The following SYK variants were observed in gnomAD, a reference collection of about 807,000 sequenced individuals.
SYK encodes the protein tyrosine-protein kinase SYK.
A neutral mutation model predicts 77.8 loss-of-function variants in SYK; 16 were observed. The observed-to-expected ratio is 0.21, with a 90% CI of 0.14 to 0.31. SYK has a LOEUF of 0.31. Among genes scored for constraint, SYK ranks in the 10% least tolerant of loss-of-function variants. The probability of loss-of-function intolerance (pLI) is 1.00; values close to 1 mark genes in which losing one functional copy is unlikely to be tolerated. For synonymous variants in SYK, 312 were observed against 308.7 expected (o/e 1.01, Z -0.11); for missense variants, 529 against 814.4 (o/e 0.65, Z 4.26).
chr9:90,854,153 G>A (rs1340735908), intron 3 of SYK, among the ~76,000 whole-genome samples: 2 of 152,206 alleles, frequency 1.3e-5, no homozygotes, highest in African/African-American at 4.8e-5. Context: ...CTTGATGGTG[G>A]CAGACTGGCC....
chr9:90,853,642 G>A (rs969633600), intron 3 of SYK, among the ~76,000 whole-genome samples: 110 of 152,166 alleles, frequency 7.2e-4, no homozygotes, highest in Non-Finnish European at 1.2e-3. Context: ...AACACCGCAT[G>A]TTCTCACTCA....
Position 90,856,299 on chromosome 9 carries a change from T to A in SYK, c.579-5907T>A, listed in dbSNP as rs573743976. Among the ~76,000 whole-genome samples, 173 of 152,360 alleles carry A rather than the reference T, an allele frequency of 1.1e-3. 1 individual carries two copies. The highest frequency in any genetic ancestry group is 3.9e-3 in the African/African-American group (162 of 41,582). On this transcript the variant is annotated intron_variant, in intron 3 of 13. Transcript: ENST00000375754. ...CTGTGGTTCCTACATCCATGAATTC[T>A]TTTCTTTCATCAGTTCTGAAAAACA...
chr9:90,864,375 A>G (rs889232163), intron 4 of SYK, among the ~76,000 whole-genome samples: 1 of 152,258 alleles, frequency 6.6e-6, no homozygotes, highest in African/African-American at 2.4e-5. Flanking sequence ...GGCCCTTTAC[A>G]GAAAAAATTT....
intron 1 of SYK, among the ~76,000 whole-genome samples, chr9:90,832,383 C>T (rs1267756723): frequency 6.6e-6 from 1 of 152,242 alleles, no homozygotes; most frequent in Non-Finnish European, 1.5e-5. Flanking sequence ...AGAACTTTGG[C>T]CTCTGCCTTT....
At chr9:90,810,996 T>G (rs1032388888) in intron 1 of SYK, among the ~76,000 whole-genome samples, 1 of 152,038 alleles carries the variant, frequency 6.6e-6, no homozygotes, top group Non-Finnish European at 1.5e-5. Context: ...GCTCTTTATA[T>G]CAAAATAAAT....
chr9:90,867,897 A>C (rs1827578494), intron 7 of SYK, among the ~76,000 whole-genome samples: 1 of 152,172 alleles, frequency 6.6e-6, no homozygotes, highest in African/African-American at 2.4e-5. Flanking sequence ...TGTATATATA[A>C]TGTGTTTGAA....
At chr9:90,864,486 G>T in intron 4 of SYK, 103 bp from the exon 5 acceptor site, 1 of 981,286 alleles carries the variant, frequency 1.0e-6, no homozygotes, top group Non-Finnish European at 1.6e-6. Flanking sequence ...TATGTGTCTT[G>T]GGGCCACTTC....
At chr9:90,875,191 G>A (rs1423033993) in intron 9 of SYK, among the ~76,000 whole-genome samples, 1 of 151,786 alleles carries the variant, frequency 6.6e-6, no homozygotes, top group South Asian at 2.1e-4. Flanking sequence ...TTGAGGCCTG[G>A]AGCTTGAGAC....
chr9:90,840,216 C>A (rs529861589), intron 1 of SYK, among the ~76,000 whole-genome samples: 7 of 152,226 alleles, frequency 4.6e-5, no homozygotes, highest in African/African-American at 1.7e-4. Context: ...AGATGGAGAA[C>A]CTGGTCTCAG....
chr9:90,865,827 A>G (rs979672421), intron 6 of SYK, among the ~76,000 whole-genome samples: 7 of 150,412 alleles, frequency 4.7e-5, no homozygotes, highest in Non-Finnish European at 8.9e-5. Context: ...TTAGGAAGTC[A>G]GGTACAGATT....
chr9:90,890,560 G>A (rs1384965253), intron 13 of SYK, among the ~76,000 whole-genome samples: 1 of 152,246 alleles, frequency 6.6e-6, no homozygotes, highest in Non-Finnish European at 1.5e-5. Context: ...TCCCACCCCA[G>A]TCCGCTCTGC....
chr9:90,853,893 A>T (rs370938631), intron 3 of SYK, among the ~76,000 whole-genome samples: 32 of 152,194 alleles, frequency 2.1e-4, no homozygotes, highest in African/African-American at 7.2e-4. Context: ...AAAATAAAAT[A>T]AAAAAGAAAA....
At chr9:90,878,567 C>T (rs1441313216) in intron 10 of SYK, among the ~76,000 whole-genome samples, 197 bp from the exon 11 acceptor site, 2 of 152,158 alleles carry the variant, frequency 1.3e-5, no homozygotes, top group Non-Finnish European at 2.9e-5. Flanking sequence ...AACTCAATCC[C>T]ATTGAACACC....
At chr9:90,830,014 T>G (rs568624997) in intron 1 of SYK, among the ~76,000 whole-genome samples, 1 of 152,352 alleles carries the variant, frequency 6.6e-6, no homozygotes, top group African/African-American at 2.4e-5. Flanking sequence ...GTTTGGATAA[T>G]GTTTTCAAGT....
At chr9:90,810,881 C>T (rs1037363900) in intron 1 of SYK, among the ~76,000 whole-genome samples, 8 of 151,954 alleles carry the variant, frequency 5.3e-5, no homozygotes, top group African/African-American at 1.9e-4. Flanking sequence ...AATATGCAGG[C>T]ATGGGTCCAA....
chr9:90,808,059 G>A (rs551888142), intron 1 of SYK, among the ~76,000 whole-genome samples: 36 of 152,040 alleles, frequency 2.4e-4, no homozygotes, highest in Non-Finnish European at 3.7e-4. Context: ...TAGGCATGTC[G>A]ATTTTTTTTA....
chr9:90,868,457 G>A (rs1827602817), intron 7 of SYK, among the ~76,000 whole-genome samples: 1 of 152,150 alleles, frequency 6.6e-6, no homozygotes, highest in African/African-American at 2.4e-5. Flanking sequence ...GGAGTAAGTA[G>A]CACTAATGCT....
chr9:90,843,630 T>C (rs564510181), intron 1 of SYK, among the ~76,000 whole-genome samples: 1 of 152,312 alleles, frequency 6.6e-6, no homozygotes, highest in East Asian at 1.9e-4. Flanking sequence ...TTTAATTTGG[T>C]CACTTCCATC....
intron 1 of SYK, among the ~76,000 whole-genome samples, chr9:90,810,265 G>T (rs1316004498): frequency 1.3e-5 from 2 of 152,122 alleles, no homozygotes; most frequent in African/African-American, 2.4e-5. Flanking sequence ...GGGACAATGT[G>T]CCCCCAGCAT....
Sources: gnomAD v4.1 joint callset for allele counts (sites outside exome capture counted in the v4.1 genomes callset) on GRCh38, gnomAD v4.1.1 for gene constraint, MANE v1.5 for transcripts, NCBI Gene and HGNC (gene_info 2026-07-23, HGNC 2026-07-21) for gene names.